Variants in SLC30A8 observed in about 807,000 individuals in gnomAD.
SLC30A8 encodes solute carrier family 30 member 8.
SLC30A8 carries 27 observed loss-of-function variants against 36.9 expected under a neutral mutation model. The observed-to-expected ratio is 0.73, with a 90% CI of 0.54 to 1.01. SLC30A8 has a LOEUF of 1.01. Ranked by LOEUF, SLC30A8 falls within the 50% of genes least tolerant of loss-of-function variation. The probability of loss-of-function intolerance (pLI) is 0.00; values close to 1 mark genes in which losing one functional copy is unlikely to be tolerated. For synonymous variants in SLC30A8, 164 were observed against 172.4 expected, an observed-to-expected ratio of 0.95 and a Z score of 0.38; for missense variants, 439 against 452.0, an observed-to-expected ratio of 0.97 and a Z score of 0.26.
chr8:117,106,287 G>A (rs1340268585), intron 2 of SLC30A8, among the ~76,000 whole-genome samples: 2 of 151,988 alleles, frequency 1.3e-5, no homozygotes, highest in African/African-American at 2.4e-5. Flanking sequence ...AATTAATTTA[G>A]GTTTACATTT....
intron 2 of SLC30A8, among the ~76,000 whole-genome samples, chr8:117,069,068 CT>C (rs1174249246): frequency 6.6e-6 from 1 of 152,036 alleles, no homozygotes; most frequent in African/African-American, 2.4e-5. Flanking sequence ...CCATAGATGA[CT>C]TTTATAGTTT....
At chr8:116,978,459 A>ATAAATATGTCATAAAAC (rs5741672) in intron 1 of SLC30A8, among the ~76,000 whole-genome samples, 1 of 151,878 alleles carries the variant, frequency 6.6e-6, no homozygotes, top group Non-Finnish European at 1.5e-5. Flanking sequence ...TTGATGCTTT[A>ATAAATATGTCATAAAAC]TATAGTCTTT....
intron 2 of SLC30A8, chr8:117,128,542 C>T (rs1378240208): frequency 1.4e-5 from 1 of 73,770 alleles, no homozygotes; most frequent in Non-Finnish European, 2.2e-5. Context: ...TAATATGCTC[C>T]CTGTGTTATT....
intron 1 of SLC30A8, among the ~76,000 whole-genome samples, chr8:117,138,890 A>G (rs896062058): frequency 1.3e-5 from 2 of 152,040 alleles, no homozygotes; most frequent in African/African-American, 4.8e-5. Context: ...ATAAGAATAG[A>G]GGGCTATGTA....
intron 2 of SLC30A8, among the ~76,000 whole-genome samples, chr8:117,121,265 A>T (rs1330271855): frequency 2.0e-5 from 3 of 152,008 alleles, no homozygotes; most frequent in African/African-American, 7.2e-5. Context: ...GGATGAATGG[A>T]TAATGAAAAC....
intron 2 of SLC30A8, among the ~76,000 whole-genome samples, chr8:117,120,710 G>A (rs181657843): frequency 6.6e-6 from 1 of 151,808 alleles, no homozygotes; most frequent in Admixed American, 6.6e-5. Flanking sequence ...CCATATATCT[G>A]ATATGGGGTT....
chr8:117,086,114 A>G (rs1414537570), intron 2 of SLC30A8, among the ~76,000 whole-genome samples: 1 of 152,164 alleles, frequency 6.6e-6, no homozygotes, highest in African/African-American at 2.4e-5. Flanking sequence ...CCAAATCAAG[A>G]TTTTGTTGGA....
Position 117,175,557 on chromosome 8 carries a change from A to C in SLC30A8, c.*2876A>C, listed in dbSNP as rs1823638385. 1 of 152,044 alleles carries C rather than the reference A, an allele frequency of 6.6e-6. No individual in the cohort carries two copies. Among genetic ancestry groups the C allele is most frequent in the East Asian group, 1.9e-4 (1 of 5,166 alleles). The allele number at this position is 152,044 out of a possible 1,614,324, so 9.4% of individuals were successfully genotyped here. A position where few individuals can be genotyped will look rare whatever the true frequency, so the allele number is the denominator to read the frequency against. On this transcript the variant is annotated 3_prime_UTR_variant, in exon 8 of 8. Coordinates refer to ENST00000456015, the MANE Select transcript of SLC30A8 (RefSeq NM_173851.3). ...TCTGTGACCTCGAGCTAGTTACTTA[A>C]ATGCTCTGATCCTCTATTTCCTGAT...
rs17813105 is a variant in SLC30A8 at position 117,144,955 on chromosome 8, C to T, written c.72-1999C>T. Reference sequence around the variant, plus strand: ...CATTTAGCTAAATCCACATGCACATCAAGACTGTTGTGTAGCAGTTTGAGA... The same window carrying T: ...CATTTAGCTAAATCCACATGCACATTAAGACTGTTGTGTAGCAGTTTGAGA... On this transcript the variant is annotated intron_variant, in intron 1 of 7. Coordinates refer to ENST00000456015, the MANE Select transcript of SLC30A8 (RefSeq NM_173851.3). 1.7e-3 allele frequency among the ~76,000 whole-genome samples: 254 copies of T among 152,244 alleles called. 7 individuals carry two copies. The East Asian group carries it at 0.047, about 28-fold the overall frequency.
At chr8:117,098,212 G>A (rs114564080) in intron 2 of SLC30A8, among the ~76,000 whole-genome samples, 1 of 150,798 alleles carries the variant, frequency 6.6e-6, no homozygotes, top group Admixed American at 6.7e-5. Context: ...AGAATTTAAG[G>A]TGACGGTCAT....
At chr8:117,168,898 T>G (rs1351536878) in intron 6 of SLC30A8, among the ~76,000 whole-genome samples, 3 of 152,174 alleles carry the variant, frequency 2.0e-5, no homozygotes, top group Admixed American at 6.6e-5. Flanking sequence ...TTAATCTAAC[T>G]GACCTCAATT....
Position 117,010,097 on chromosome 8 carries a change from T to TA in SLC30A8, c.-265-29115dup, listed in dbSNP as rs776717881. Among the ~76,000 whole-genome samples, 208 of 152,200 alleles carry TA rather than the reference T, an allele frequency of 1.4e-3. 1 individual carries two copies. The highest frequency in any genetic ancestry group is 2.6e-3 in the Non-Finnish European group (178 of 68,018). ...AGGGTAAGCCTAGGGACAGCACATG[T>TA]AAAAAAATTGGAGGAATTAGAATTA... is the stretch of plus-strand genomic sequence containing the variant. On this transcript the variant is annotated intron_variant, in intron 1 of 10. Coordinates refer to the SLC30A8 transcript ENST00000427715.
intron 1 of SLC30A8, among the ~76,000 whole-genome samples, chr8:117,029,339 A>G (rs1385335971): frequency 6.6e-6 from 1 of 152,132 alleles, no homozygotes. Context: ...TAACCTACTC[A>G]CCTTCTAGTT....
intron 1 of SLC30A8, chr8:117,006,911 T>G (rs1816191431): frequency 6.8e-6 from 1 of 147,712 alleles, no homozygotes; most frequent in South Asian, 2.2e-4. Context: ...GCCTCCCTAG[T>G]AGCTGGGATT....
At chr8:116,984,686 A>C (rs891256230) in intron 1 of SLC30A8, among the ~76,000 whole-genome samples, 1 of 151,932 alleles carries the variant, frequency 6.6e-6, no homozygotes, top group African/African-American at 2.4e-5. Context: ...AATGGCTACA[A>C]ATGTCTGCTT....
At chr8:117,080,190 C>T (rs1214861011) in intron 2 of SLC30A8, among the ~76,000 whole-genome samples, 1 of 151,986 alleles carries the variant, frequency 6.6e-6, no homozygotes, top group African/African-American at 2.4e-5. Context: ...TCTTGTTTTA[C>T]AAATAATCCA....
chr8:116,970,118 AT>A (rs1433228016), intron 1 of SLC30A8, among the ~76,000 whole-genome samples: 2 of 151,848 alleles, frequency 1.3e-5, no homozygotes, highest in Non-Finnish European at 2.9e-5. Flanking sequence ...TTATTCTATA[AT>A]TTTTTTTCTA....
At position 117,169,378 on chromosome 8, in the gene SLC30A8, A is replaced by G. The variant is rs530127742; in HGVS notation, c.830-1656A>G. 4.6e-5 allele frequency among the ~76,000 whole-genome samples: 7 copies of G among 152,256 alleles called. No individual in the cohort carries two copies. The South Asian group carries it at 1.5e-3, about 32-fold the overall frequency. ...TGCTCAAGGTCATTGCCAAGGTCTG[A>G]TTGCAAAAATTCAAAAAATTGCAAC... On this transcript the variant is annotated intron_variant, in intron 6 of 7. Transcript: ENST00000456015.
intron 2 of SLC30A8, among the ~76,000 whole-genome samples, chr8:117,039,901 T>TA (rs1287978661): frequency 1.3e-5 from 2 of 152,232 alleles, no homozygotes; most frequent in African/African-American, 4.8e-5. Context: ...TCTAGACCTT[T>TA]CTAGGCCTTT....
Sources: gnomAD v4.1 joint callset for allele counts (sites outside exome capture counted in the v4.1 genomes callset) on GRCh38, gnomAD v4.1.1 for gene constraint, MANE v1.5 for transcripts, NCBI Gene and HGNC (gene_info 2026-07-23, HGNC 2026-07-21) for gene names.